The following PLN variants were observed in gnomAD, a reference collection of about 807,000 sequenced individuals.
PLN encodes the protein phospholamban.
A neutral mutation model predicts 3.9 loss-of-function variants in PLN; 1 was observed. That is an observed-to-expected ratio of 0.26 (90% CI 0.09 to 1.23). The LOEUF (loss-of-function observed/expected upper bound fraction) is 1.23, where lower values mean the gene tolerates loss of function less well. PLN is among the 50% of genes most tolerant of loss of function. The pLI, the probability that PLN is intolerant of heterozygous loss-of-function variation, is 0.48. For synonymous variants in PLN, 21 were observed against 20.5 expected, an observed-to-expected ratio of 1.02 and a Z score of -0.07; for missense variants, 59 against 62.7, an observed-to-expected ratio of 0.94 and a Z score of 0.20.
chr6:118,554,571 C>T (rs893201004), intron 1 of PLN, among the ~76,000 whole-genome samples: 1 of 152,190 alleles, frequency 6.6e-6, no homozygotes, highest in Non-Finnish European at 1.5e-5. Flanking sequence ...AATAAACACA[C>T]AGTTTCTTTA....
At position 118,560,203 on chromosome 6, in the gene PLN, G is replaced by A. The variant is rs1307256931; in HGVS notation, c.*1123G>A. ...TGACCCTTGAACATGGGGGTTAGGG[G>A]AGCTGACAATTCGTGGGTCCGCAAA... On this transcript the variant is annotated 3_prime_UTR_variant, in exon 2 of 2. Transcript: ENST00000357525. 17 of 166,980 alleles carry A rather than the reference G, an allele frequency of 1.0e-4. No individual in the cohort carries two copies. Among genetic ancestry groups the A allele is most frequent in the African/African-American group, 4.1e-4 (17 of 41,430 alleles). 10.3% of individuals were successfully genotyped at this position (166,980 alleles called of 1,614,324 possible).
At chr6:118,557,206 T>G (rs986422503) in intron 1 of PLN, among the ~76,000 whole-genome samples, 22 of 152,230 alleles carry the variant, frequency 1.4e-4, no homozygotes, top group African/African-American at 5.3e-4. Flanking sequence ...ACTTCCCATT[T>G]AACACTATTT....
intron 1 of PLN, among the ~76,000 whole-genome samples, chr6:118,549,360 C>G (rs948830884): frequency 6.6e-6 from 1 of 151,822 alleles, no homozygotes; most frequent in African/African-American, 2.4e-5. Context: ...GAATTCTACC[C>G]TATTCTTTAT....
chr6:118,556,656 G>C (rs1224093424), intron 1 of PLN, among the ~76,000 whole-genome samples: 1 of 152,110 alleles, frequency 6.6e-6, no homozygotes, highest in East Asian at 1.9e-4. Context: ...AAGGACTTAG[G>C]AGAAAATAAA....
intron 1 of PLN, among the ~76,000 whole-genome samples, chr6:118,549,363 T>C (rs1187470222): frequency 1.3e-5 from 2 of 151,912 alleles, no homozygotes; most frequent in Non-Finnish European, 3.0e-5. Context: ...TTCTACCCTA[T>C]TCTTTATGTT....
chr6:118,555,097 T>C (rs1778774510), intron 1 of PLN, among the ~76,000 whole-genome samples: 1 of 152,184 alleles, frequency 6.6e-6, no homozygotes, highest in African/African-American at 2.4e-5. Context: ...GTCTAATTAT[T>C]ATTCCTTTCT....
intron 1 of PLN, among the ~76,000 whole-genome samples, chr6:118,552,478 C>T (rs1435963483): frequency 6.6e-6 from 1 of 151,982 alleles, no homozygotes; most frequent in Non-Finnish European, 1.5e-5. Flanking sequence ...TATTACATTG[C>T]TAAAACAGGA....
At chr6:118,558,608 C>G (rs1779017283) in intron 1 of PLN, among the ~76,000 whole-genome samples, 1 of 147,472 alleles carries the variant, frequency 6.8e-6, no homozygotes, top group Admixed American at 6.8e-5. Flanking sequence ...GAGACAGACA[C>G]ATAGAAACAC....
rs1779088418 is a variant in PLN, at chr6:118,559,245, T to C, written c.*165T>C. ...CTAAAACTTATTGTTACCATATGTA[T>C]TCATCTGTTGGATCTTGTAAACATG... On this transcript the variant is annotated 3_prime_UTR_variant, in exon 2 of 2. Coordinates refer to ENST00000357525, the MANE Select transcript of PLN (RefSeq NM_002667.5). 4.3e-6 allele frequency: 3 copies of C among 691,924 alleles called. No individual in the cohort carries two copies. Among genetic ancestry groups the C allele is most frequent in the South Asian group, 1.6e-5 (1 of 61,560 alleles). The allele number at this position is 691,924 out of a possible 1,614,324, so 42.9% of individuals were successfully genotyped here. A position where few individuals can be genotyped will look rare whatever the true frequency, so the allele number is the denominator to read the frequency against.
At chr6:118,551,322 A>AC (rs1778529914) in intron 1 of PLN, among the ~76,000 whole-genome samples, 1 of 150,626 alleles carries the variant, frequency 6.6e-6, no homozygotes, top group African/African-American at 2.4e-5. Flanking sequence ...TCAACCCCCA[A>AC]CCCCCGCACA....
intron 1 of PLN, 84 bp downstream of exon 1, chr6:118,548,476 AAATGAG>A (rs1778341906): frequency 6.6e-6 from 1 of 152,108 alleles, no homozygotes; most frequent in Admixed American, 6.6e-5. Context: ...TGAACTTTTA[AAATGAG>A]TTAATTTTAT....
intron 1 of PLN, among the ~76,000 whole-genome samples, chr6:118,555,322 G>A (rs1441432557): frequency 1.3e-5 from 2 of 151,798 alleles, no homozygotes; most frequent in African/African-American, 2.4e-5. Flanking sequence ...CAGCTACTCG[G>A]GAGGCTAAGG....
chr6:118,552,861 G>A (rs1778632497), intron 1 of PLN, among the ~76,000 whole-genome samples: 1 of 151,968 alleles, frequency 6.6e-6, no homozygotes, highest in African/African-American at 2.4e-5. Context: ...AGAGACAGGA[G>A]TCTGGCATTT....
Position 118,560,767 on chromosome 6 carries a change from A to G in PLN, c.*1687A>G, listed in dbSNP as rs1300040329. The G allele has an allele frequency of 6.3e-6, 1 of 159,804 alleles. No individual in the cohort carries two copies. Among genetic ancestry groups the G allele is most frequent in the Non-Finnish European group, 1.5e-5 (1 of 68,072 alleles). 9.9% of individuals were successfully genotyped at this position (159,804 alleles called of 1,614,324 possible). A position where few individuals can be genotyped will look rare whatever the true frequency, so the allele number is the denominator to read the frequency against. On this transcript the variant is annotated 3_prime_UTR_variant, in exon 2 of 2. Transcript: ENST00000357525. ...TCTGACCATTTCAGAACATCTTCCA[A>G]TAACTCATAAAACAACTGAAGTAAA...
At chr6:118,556,697 T>C (rs966903496) in intron 1 of PLN, among the ~76,000 whole-genome samples, 27 of 152,338 alleles carry the variant, frequency 1.8e-4, no homozygotes, top group Admixed American at 6.5e-5. Context: ...TAGTAATATG[T>C]TGATTAACAA....
At chr6:118,557,856 G>A (rs1778969134) in intron 1 of PLN, among the ~76,000 whole-genome samples, 1 of 152,096 alleles carries the variant, frequency 6.6e-6, no homozygotes, top group South Asian at 2.1e-4. Flanking sequence ...GGAGCTGGAT[G>A]TGCTCCTGAC....
chr6:118,560,607 G>T lies in PLN; in HGVS notation c.*1527G>T, dbSNP rs183568546. 320 of 167,032 alleles carry T rather than the reference G, an allele frequency of 1.9e-3. No homozygotes were observed. Among genetic ancestry groups the T allele is most frequent in the Non-Finnish European group, 3.4e-3 (229 of 68,078 alleles). 10.3% of individuals were successfully genotyped at this position (167,032 alleles called of 1,614,324 possible). A position where few individuals can be genotyped will look rare whatever the true frequency, so the allele number is the denominator to read the frequency against. Reference sequence around the variant, plus strand: ...TGTTGTTCAAGGGTCAACTGTAATAGGATATAGCTATTTTTCTTCCTCTAT... The same window carrying T: ...TGTTGTTCAAGGGTCAACTGTAATATGATATAGCTATTTTTCTTCCTCTAT... On this transcript the variant is annotated 3_prime_UTR_variant, in exon 2 of 2. Transcript: ENST00000357525.
chr6:118,558,008 A>G (rs1023449236), intron 1 of PLN, among the ~76,000 whole-genome samples: 8 of 150,066 alleles, frequency 5.3e-5, no homozygotes, highest in Middle Eastern at 3.4e-3. Context: ...TCTGTCACCC[A>G]GGCTGGAGTA....
intron 1 of PLN, among the ~76,000 whole-genome samples, chr6:118,558,319 A>C (rs2114964459): frequency 6.6e-6 from 1 of 152,284 alleles, no homozygotes; most frequent in Non-Finnish European, 1.5e-5. Flanking sequence ...TTAATATTAG[A>C]AGTGTTTGGG....
Sources: gnomAD v4.1 joint callset for allele counts (sites outside exome capture counted in the v4.1 genomes callset) on GRCh38, gnomAD v4.1.1 for gene constraint, MANE v1.5 for transcripts, NCBI Gene and HGNC (gene_info 2026-07-23, HGNC 2026-07-21) for gene names.